Variants in MYO1B observed in about 807,000 individuals in gnomAD.
The protein encoded by MYO1B is myosin IB, also known as unconventional myosin-Ib.
In MYO1B, 72 loss-of-function variants were observed where a neutral mutation model predicts 159.7. The observed-to-expected ratio is 0.45, with a 90% CI of 0.37 to 0.55. MYO1B has a LOEUF of 0.55. Ranked by LOEUF, MYO1B falls within the 20% of genes least tolerant of loss-of-function variation. The pLI is 0.00. For synonymous variants in MYO1B, 468 were observed against 473.8 expected (o/e 0.99, Z 0.16); for missense variants, 1,062 against 1,364.8 (o/e 0.78, Z 3.50).
At chr2:191,297,065 CT>C (rs1351915532) in intron 3 of MYO1B, among the ~76,000 whole-genome samples, 1 of 152,090 alleles carries the variant, frequency 6.6e-6, no homozygotes. Flanking sequence ...TCTCAAAAAA[CT>C]TTTTTATTTA....
rs932263291 is a variant in MYO1B, at chr2:191,425,333, A to AT, written c.*1377dup. ...CATTAATTGAAAATATTTTCTGGGG[A>AT]TTTTCTCTTGACTTGTATTTTTAAA... is the stretch of plus-strand genomic sequence containing the variant. On this transcript the variant is annotated 3_prime_UTR_variant, in exon 31 of 31. Coordinates refer to ENST00000392318, the MANE Select transcript of MYO1B (RefSeq NM_001130158.3). The AT allele has an allele frequency of 1.3e-5, 2 of 152,016 alleles. No individual in the cohort carries two copies. Among genetic ancestry groups the AT allele is most frequent in the Non-Finnish European group, 2.9e-5 (2 of 67,996 alleles). 9.4% of individuals were successfully genotyped at this position (152,016 alleles called of 1,614,324 possible).
chr2:191,325,063 A>C (rs986105093), intron 3 of MYO1B, among the ~76,000 whole-genome samples: 1 of 152,154 alleles, frequency 6.6e-6, no homozygotes, highest in South Asian at 2.1e-4. Context: ...CTTCTCTTCC[A>C]TGTCCTTGTG....
At chr2:191,298,974 C>T (rs1689146898) in intron 3 of MYO1B, among the ~76,000 whole-genome samples, 1 of 152,122 alleles carries the variant, frequency 6.6e-6, no homozygotes, top group Admixed American at 6.5e-5. Context: ...GTTCCTACAC[C>T]ACAAACCCTC....
At chr2:191,418,834 T>G (rs1697747990) in intron 30 of MYO1B, among the ~76,000 whole-genome samples, 1 of 152,234 alleles carries the variant, frequency 6.6e-6, no homozygotes, top group Non-Finnish European at 1.5e-5. Context: ...GAGAATTGAA[T>G]TCATTCAGAG....
chr2:191,400,553 G>A (rs2126134267), intron 22 of MYO1B, 85 bp downstream of exon 22: 1 of 1,495,972 alleles, frequency 6.7e-7, no homozygotes, highest in Non-Finnish European at 9.3e-7. Context: ...GGCAGAAAAT[G>A]TTTCACTGGC....
intron 3 of MYO1B, among the ~76,000 whole-genome samples, chr2:191,321,605 GT>G (rs1690717659): frequency 6.6e-6 from 1 of 152,140 alleles, no homozygotes; most frequent in East Asian, 1.9e-4. Context: ...AAATCAATGT[GT>G]TTGGTTAATT....
intron 30 of MYO1B, among the ~76,000 whole-genome samples, chr2:191,421,285 G>T (rs1255892313): frequency 6.6e-6 from 1 of 151,884 alleles, no homozygotes. Context: ...GGCCAGGCTG[G>T]TTCCAAACTC....
intron 23 of MYO1B, chr2:191,401,475 C>T (rs796610080): frequency 2.0e-5 from 3 of 152,312 alleles, no homozygotes; most frequent in African/African-American, 7.2e-5. Flanking sequence ...TCCTGAAATA[C>T]TCTCACTAAT....
chr2:191,271,800 T>C (rs1239257882), intron 1 of MYO1B, among the ~76,000 whole-genome samples: 2 of 152,224 alleles, frequency 1.3e-5, no homozygotes, highest in South Asian at 2.1e-4. Flanking sequence ...CATTTTGATA[T>C]TGAATAGTGG....
intron 1 of MYO1B, among the ~76,000 whole-genome samples, chr2:191,268,722 C>G (rs928565025): frequency 1.3e-5 from 2 of 152,204 alleles, no homozygotes; most frequent in Non-Finnish European, 2.9e-5. Flanking sequence ...AAGGTTCACC[C>G]GCATGATAGC....
chr2:191,341,753 G>A (rs576260134), intron 5 of MYO1B, among the ~76,000 whole-genome samples, 188 bp downstream of exon 5: 2 of 152,258 alleles, frequency 1.3e-5, no homozygotes, highest in African/African-American at 4.8e-5. Context: ...TAGCAGAATA[G>A]TTTACTAATG....
intron 13 of MYO1B, among the ~76,000 whole-genome samples, chr2:191,375,813 T>G (rs7559184): frequency 0.17 from 25,769 of 151,704 alleles, 4,725 homozygotes; most frequent in African/African-American, 0.46. Flanking sequence ...ACAAAAATTA[T>G]CCAGGCATAG....
At chr2:191,329,477 A>G (rs975817304) in intron 3 of MYO1B, among the ~76,000 whole-genome samples, 1 of 151,890 alleles carries the variant, frequency 6.6e-6, no homozygotes, top group Non-Finnish European at 1.5e-5. Context: ...TCTCAACGTT[A>G]TCCAATTTTA....
At chr2:191,416,363 G>A in intron 30 of MYO1B, 121 bp downstream of exon 30, 2 of 1,201,470 alleles carry the variant, frequency 1.7e-6, no homozygotes, top group Non-Finnish European at 2.4e-6. Flanking sequence ...TCTAGTAGTT[G>A]TTCCACATGA....
chr2:191,383,603 G>A (rs1261901266), intron 15 of MYO1B, among the ~76,000 whole-genome samples: 1 of 149,796 alleles, frequency 6.7e-6, no homozygotes, highest in East Asian at 2.0e-4. Flanking sequence ...GTAGCCCTAA[G>A]AGATCATACA....
At chr2:191,382,212 TTTTG>T (rs1304259504) in intron 14 of MYO1B, among the ~76,000 whole-genome samples, 4 of 152,142 alleles carry the variant, frequency 2.6e-5, no homozygotes, top group African/African-American at 4.8e-5. Flanking sequence ...TTATTTCCTT[TTTTG>T]TTTATTTGCC....
At chr2:191,423,524 C>T (rs975882120) in intron 30 of MYO1B, among the ~76,000 whole-genome samples, 14 of 152,110 alleles carry the variant, frequency 9.2e-5, no homozygotes, top group Non-Finnish European at 1.5e-4. Flanking sequence ...GGAATTTTTC[C>T]GCGCTTATGG....
intron 1 of MYO1B, among the ~76,000 whole-genome samples, chr2:191,276,395 T>C (rs1687750710): frequency 6.6e-6 from 1 of 152,244 alleles, no homozygotes; most frequent in Admixed American, 6.5e-5. Context: ...ACCTACCTCA[T>C]AGAGTTATTG....
At chr2:191,271,013 C>T (rs188485552) in intron 1 of MYO1B, among the ~76,000 whole-genome samples, 2 of 152,254 alleles carry the variant, frequency 1.3e-5, no homozygotes, top group East Asian at 3.9e-4. Flanking sequence ...TACTTGTTTT[C>T]CCTTTGTATA....
Sources: allele counts gnomAD v4.1 joint callset (sites outside exome capture counted in the v4.1 genomes callset), GRCh38; gene constraint gnomAD v4.1.1; transcripts MANE v1.5; gene names NCBI Gene and HGNC (gene_info 2026-07-23, HGNC 2026-07-21).